DVL3: variants seen among roughly 807,000 people sequenced by gnomAD.
The protein encoded by DVL3 is dishevelled segment polarity protein 3.
A neutral mutation model predicts 67.4 loss-of-function variants in DVL3; 27 were observed. That is an observed-to-expected ratio of 0.40 (90% CI 0.30 to 0.55). The LOEUF (loss-of-function observed/expected upper bound fraction) is 0.55. Among genes scored for constraint, DVL3 ranks in the 20% least tolerant of loss-of-function variants. The probability of loss-of-function intolerance (pLI) is 0.46; values close to 1 mark genes in which losing one functional copy is unlikely to be tolerated. For missense variants in DVL3, 819 were observed against 1,021.5 expected (o/e 0.80, Z 2.70); for synonymous variants, 369 against 396.8 (o/e 0.93, Z 0.83).
In DVL3 at chr3:184,165,438, G is replaced by T; in HGVS notation, c.710G>T (p.Ser237Ile). The T allele has an allele frequency of 6.2e-7, 1 of 1,614,058 alleles. No homozygotes were observed. Among genetic ancestry groups the T allele is most frequent in the Non-Finnish European group, 8.5e-7 (1 of 1,180,012 alleles). The change falls in exon 7 of 15, where the codon AGC (serine) becomes ATC (isoleucine). Residue 237 changes from serine (S) to isoleucine (I), a missense_variant. This residue lies in a region of DVL3 where 385 missense variants were observed against 486.8 expected (regional missense o/e 0.79). Transcript: ENST00000313143. The surrounding 1 kb of genome is among the most constrained non-coding windows in gnomAD (Gnocchi z 4.1). ...SRIERSSSFS[S>I]ITDSTMSLNI... is the part of the protein sequence containing the mutation. ...CTATTCCAGTCCTCGTCCTTCAGCA[G>T]CATCACGGACTCCACCATGTCACTC...
chr3:184,168,081 ATCT>A lies in DVL3; in HGVS notation c.1498+21_1498+23del. 1 of 1,608,732 alleles carries A rather than the reference ATCT, an allele frequency of 6.2e-7. No individual in the cohort carries two copies. Among genetic ancestry groups the A allele is most frequent in the African/African-American group, 1.3e-5 (1 of 74,980 alleles). ...CTCTGCGGCAGTATGTGCCTCCCTC[ATCT>A]TCTTGCCCTGTCTCCTGGCTGGGAG... On this transcript the variant is annotated intron_variant, in intron 13 of 14. Transcript: ENST00000313143.
Position 184,167,087 on chromosome 3 carries a change from C to T in DVL3, c.1198+112C>T, listed in dbSNP as rs151023442. 337 of 1,359,284 alleles carry T rather than the reference C, an allele frequency of 2.5e-4. 3 individuals carry two copies. The African/African-American group carries it at 3.8e-3, about 15-fold the overall frequency. 84.2% of individuals were successfully genotyped at this position (1,359,284 alleles called of 1,614,324 possible). Reference sequence around the variant, plus strand: ...GCATCAGAGAGGGCTGGAGATGGGGCTCGGCTCATTCCAGCAACCCCACAC... The same window carrying T: ...GCATCAGAGAGGGCTGGAGATGGGGTTCGGCTCATTCCAGCAACCCCACAC... On this transcript the variant is annotated intron_variant, in intron 11 of 14. Transcript: ENST00000313143. The surrounding 1 kb of genome is among the most constrained non-coding windows in gnomAD (Gnocchi z 4.6).
Position 184,170,546 on chromosome 3 carries a change from C to T in DVL3, c.1942C>T (p.His648Tyr). ...CCTGGCCAGCAGCCTTCGCAGCCAC[C>T]ACACACACCCGAGCTACGGTCCTCC... ...HSLASSLRSH[H>Y]THPSYGPPGV... Residue 648 changes from histidine to tyrosine, a missense_variant, in exon 15 of 15, where the codon CAC (histidine) becomes TAC (tyrosine). Around this residue, in one of 3 missense-constraint regions of DVL3, gnomAD observed 324 missense variants for 331.3 expected, o/e 0.98. Coordinates refer to ENST00000313143, the MANE Select transcript of DVL3 (RefSeq NM_004423.4). This position sits in a 1 kb window ranked among gnomAD's most constrained non-coding sequence, Gnocchi z 6.5. 6.2e-7 allele frequency: 1 copy of T among 1,612,298 alleles called. No individual in the cohort carries two copies. The highest frequency in any genetic ancestry group is 8.5e-7 in the Non-Finnish European group (1 of 1,179,086).
chr3:184,155,651 A>T lies in DVL3; in HGVS notation c.16A>T (p.Ile6Phe). 1 of 1,599,224 alleles carries T rather than the reference A, an allele frequency of 6.3e-7. No homozygotes were observed. The highest frequency in any genetic ancestry group is 8.5e-7 in the Non-Finnish European group (1 of 1,174,554). Residue 6 changes from isoleucine (I) to phenylalanine (F), a missense_variant, in exon 1 of 15, where the codon ATC becomes TTC. Physicochemically the swap from Ile to Phe is conservative, Grantham distance 21 (BLOSUM62 0). Coordinates refer to ENST00000313143, the MANE Select transcript of DVL3 (RefSeq NM_004423.4). The surrounding 1 kb of genome is among the most constrained non-coding windows in gnomAD (Gnocchi z 5.4). MGETK[I>F]IYHLDGQETP... ...GGCCAGAGCCATGGGCGAGACCAAGATCATCTACCACTTGGATGGGCAGGA... is the reference window on the plus strand; with the variant it reads ...GGCCAGAGCCATGGGCGAGACCAAGTTCATCTACCACTTGGATGGGCAGGA...
chr3:184,160,743 G>A (rs2109019310), intron 1 of DVL3, among the ~76,000 whole-genome samples: 1 of 152,278 alleles, frequency 6.6e-6, no homozygotes, highest in Non-Finnish European at 1.5e-5. Context: ...AGGGGAGCAG[G>A]GAGGTAGGGA....
At position 184,167,665 on chromosome 3, in the gene DVL3, C is replaced by T. The variant is rs773667606; in HGVS notation, c.1284C>T (p.Val428=). The part of the protein sequence containing the change: ...AMASPESGLE[V]RDRMWLKITI... ...CCTCCCCTGAATCAGGGTTGGAGGTCCGTGACCGCATGTGGCTCAAGATTA... is the reference window on the plus strand; with the variant it reads ...CCTCCCCTGAATCAGGGTTGGAGGTTCGTGACCGCATGTGGCTCAAGATTA... The change falls in exon 12 of 15, where the codon GTC becomes GTT. Residue 428 remains valine, a synonymous_variant. Transcript: ENST00000313143. This position sits in a 1 kb window ranked among gnomAD's most constrained non-coding sequence, Gnocchi z 4.6. 1.2e-6 allele frequency: 2 copies of T among 1,613,974 alleles called. No individual in the cohort carries two copies. Among genetic ancestry groups the T allele is most frequent in the Non-Finnish European group, 1.7e-6 (2 of 1,179,950 alleles).
chr3:184,161,288 G>T lies in DVL3; in HGVS notation c.162-2369G>T, dbSNP rs571063188. Reference sequence around the variant, plus strand: ...CTAAAAATATAAAAATTAGCCAGGCGTGGTGGCAGGCACCTGTAATCCCAG... The same window carrying T: ...CTAAAAATATAAAAATTAGCCAGGCTTGGTGGCAGGCACCTGTAATCCCAG... On this transcript the variant is annotated intron_variant, in intron 1 of 14. Transcript: ENST00000313143. Among the ~76,000 whole-genome samples the T allele has an allele frequency of 3.3e-5, 5 of 152,264 alleles. No individual in the cohort carries two copies. The East Asian group carries it at 9.7e-4, about 29-fold the overall frequency.
chr3:184,158,795 T>G (rs1714284381), intron 1 of DVL3, among the ~76,000 whole-genome samples: 1 of 150,240 alleles, frequency 6.7e-6, no homozygotes, highest in Admixed American at 6.6e-5. Context: ...TTTTTTTTTT[T>G]GAGGAGTTTT....
intron 1 of DVL3, among the ~76,000 whole-genome samples, chr3:184,160,879 G>T (rs1252829146): frequency 1.3e-5 from 2 of 152,196 alleles, no homozygotes; most frequent in African/African-American, 4.8e-5. Flanking sequence ...TGGCCAGAGT[G>T]GCTGGTGGGT....
At position 184,159,873 on chromosome 3, in the gene DVL3, A is replaced by G. The variant is rs138524993; in HGVS notation, c.162-3784A>G. 2.0e-3 allele frequency among the ~76,000 whole-genome samples: 300 copies of G among 151,800 alleles called. 1 individual carries two copies. Among genetic ancestry groups the G allele is most frequent in the African/African-American group, 7.1e-3 (294 of 41,378 alleles). On this transcript the variant is annotated intron_variant, in intron 1 of 14. Transcript: ENST00000313143. Reference sequence around the variant, plus strand: ...TACAATAGCAAGCTCAGGACCTGAAACCCACTGGGCCCTCAGCCAAAGCAT... The same window carrying G: ...TACAATAGCAAGCTCAGGACCTGAAGCCCACTGGGCCCTCAGCCAAAGCAT...
chr3:184,171,223 C>T lies in DVL3; in HGVS notation c.*468C>T, dbSNP rs2109024499. 3 of 1,076,768 alleles carry T rather than the reference C, an allele frequency of 2.8e-6. No homozygotes were observed. Among genetic ancestry groups the T allele is most frequent in the Non-Finnish European group, 3.4e-6 (3 of 885,738 alleles). 66.7% of individuals were successfully genotyped at this position (1,076,768 alleles called of 1,614,324 possible). ...ACGTGTGCAAACCTCTTGACTTTAC[C>T]CCACATTACTGAAACCAAAATATAT... On this transcript the variant is annotated 3_prime_UTR_variant, in exon 15 of 15. Transcript: ENST00000313143.
chr3:184,165,205 G>T lies in DVL3; in HGVS notation c.692G>T (p.Arg231Leu). 1 of 1,587,852 alleles carries T rather than the reference G, an allele frequency of 6.3e-7. No individual in the cohort carries two copies. The highest frequency in any genetic ancestry group is 8.6e-7 in the Non-Finnish European group (1 of 1,165,856). ...AAGCAGAAGGTTTCTCGGATTGAGC[G>T]GGTATGGGGTCTGGGAGGCTAGGGA... is the stretch of plus-strand genomic sequence containing the variant. ...RRKQKVSRIE[R>L]SSSFSSITDS... The change falls in exon 6 of 15, where the codon CGG becomes CTG. Residue 231 changes from arginine (R) to leucine (L), a missense_variant and splice_region_variant. Physicochemically the swap from Arg to Leu is moderately radical, Grantham distance 102. This residue lies in a region of DVL3 where 385 missense variants were observed against 486.8 expected (regional missense o/e 0.79). Coordinates refer to ENST00000313143, the MANE Select transcript of DVL3 (RefSeq NM_004423.4). The surrounding 1 kb of genome is among the most constrained non-coding windows in gnomAD (Gnocchi z 4.1).
intron 1 of DVL3, among the ~76,000 whole-genome samples, chr3:184,162,130 G>A (rs1460540544): frequency 6.6e-6 from 1 of 151,844 alleles, no homozygotes; most frequent in Non-Finnish European, 1.5e-5. Context: ...AAAGTGTTTA[G>A]CATAGTGCTT....
chr3:184,167,626 C>T lies in DVL3; in HGVS notation c.1245C>T (p.Ile415=), dbSNP rs267599712. The T allele has an allele frequency of 2.5e-6, 4 of 1,614,028 alleles. No individual in the cohort carries two copies. The highest frequency in any genetic ancestry group is 2.2e-5 in the South Asian group (2 of 91,084). Residue 415 remains isoleucine (I), a synonymous_variant, in exon 12 of 15, where the codon ATC becomes ATT. Transcript: ENST00000313143. This position sits in a 1 kb window ranked among gnomAD's most constrained non-coding sequence, Gnocchi z 4.6. The part of the protein sequence containing the change: ...HLSIHSDMAA[I]VKAMASPESG... ...CCATCCACAGTGACATGGCTGCCAT[C>T]GTAAAAGCCATGGCCTCCCCTGAAT...
chr3:184,156,800 G>A (rs1172320109), intron 1 of DVL3: 1 of 283,424 alleles, frequency 3.5e-6, no homozygotes, highest in Admixed American at 4.8e-5. Flanking sequence ...CACTAACTGG[G>A]CGCTGGGCCT....
At chr3:184,156,838 C>A (rs922687615) in intron 1 of DVL3, 6 of 267,280 alleles carry the variant, frequency 2.2e-5, no homozygotes, top group African/African-American at 8.9e-5. Context: ...CCCCTCCAGG[C>A]CTGAAGGCTG....
In DVL3 at chr3:184,165,209, A is replaced by G; in HGVS notation, c.693+3A>G. On this transcript the variant is annotated splice_donor_region_variant and intron_variant, in intron 6 of 14. Coordinates refer to ENST00000313143, the MANE Select transcript of DVL3 (RefSeq NM_004423.4). The surrounding 1 kb of genome is among the most constrained non-coding windows in gnomAD (Gnocchi z 4.1). Reference sequence around the variant, plus strand: ...AGAAGGTTTCTCGGATTGAGCGGGTATGGGGTCTGGGAGGCTAGGGATGGG... The same window carrying G: ...AGAAGGTTTCTCGGATTGAGCGGGTGTGGGGTCTGGGAGGCTAGGGATGGG... 1 of 1,589,268 alleles carries G rather than the reference A, an allele frequency of 6.3e-7. No homozygotes were observed. Among genetic ancestry groups the G allele is most frequent in the Non-Finnish European group, 8.6e-7 (1 of 1,166,740 alleles).
In DVL3 at chr3:184,165,980, G is replaced by C; in HGVS notation, c.764-146G>C. The C allele has an allele frequency of 1.0e-6, 1 of 965,572 alleles. No homozygotes were observed. Among genetic ancestry groups the C allele is most frequent in the Non-Finnish European group, 1.5e-6 (1 of 658,122 alleles). 59.8% of individuals were successfully genotyped at this position (965,572 alleles called of 1,614,324 possible). ...CCTTATAGCCAGCAAGGGTTCCATG[G>C]AAGCATGTTTGAGCATGCTGAGTGC... On this transcript the variant is annotated intron_variant, in intron 7 of 14. Transcript: ENST00000313143. This position sits in a 1 kb window ranked among gnomAD's most constrained non-coding sequence, Gnocchi z 4.1.
chr3:184,171,788 C>A lies in DVL3; in HGVS notation c.*1033C>A. On this transcript the variant is annotated 3_prime_UTR_variant, in exon 15 of 15. Coordinates refer to ENST00000313143, the MANE Select transcript of DVL3 (RefSeq NM_004423.4). ...CTCCTTTCCAGAGAGAATCGGATCG[C>A]ACCACGTGTGGCAGCCTGCGGCGGG... 1 of 194,726 alleles carries A rather than the reference C, an allele frequency of 5.1e-6. No homozygotes were observed. Among genetic ancestry groups the A allele is most frequent in the Non-Finnish European group, 9.5e-6 (1 of 105,574 alleles). The allele number at this position is 194,726 out of a possible 1,614,324, so 12.1% of individuals were successfully genotyped here. A position where few individuals can be genotyped will look rare whatever the true frequency, so the allele number is the denominator to read the frequency against.
Sources: gnomAD v4.1 joint callset for allele counts (sites outside exome capture counted in the v4.1 genomes callset) on GRCh38, gnomAD v4.1.1 for gene constraint, gnomAD v4.1.1 regional missense constraint, Gnocchi (gnomAD v3.1) non-coding constraint, MANE v1.5 for transcripts, NCBI Gene and HGNC (gene_info 2026-07-23, HGNC 2026-07-21) for gene names.